CACNA2D1: variants seen among roughly 807,000 people sequenced by gnomAD.
The protein encoded by CACNA2D1 is calcium voltage-gated channel auxiliary subunit alpha2delta 1.
Under a neutral mutation model 171.5 loss-of-function variants are expected in CACNA2D1, and 53 were observed. The ratio of observed to expected loss-of-function variants is 0.31; its 90% CI spans 0.25 to 0.39. The LOEUF (loss-of-function observed/expected upper bound fraction) is 0.39, where lower values mean the gene tolerates loss of function less well. CACNA2D1 is among the 10% of genes least tolerant of loss of function. CACNA2D1 has a pLI of 1.00. For synonymous variants in CACNA2D1, 442 were observed against 443.1 expected (o/e 1.00, Z 0.03); for missense variants, 903 against 1,299.8 (o/e 0.69, Z 4.69).
At chr7:82,437,136 G>A (rs1830169634) in intron 1 of CACNA2D1, among the ~76,000 whole-genome samples, 2 of 152,098 alleles carry the variant, frequency 1.3e-5, no homozygotes, top group African/African-American at 4.8e-5. Context: ...ATTGAGGTCT[G>A]ATCATGGGTA....
At chr7:82,161,927 G>C (rs1794985653) in intron 4 of CACNA2D1, among the ~76,000 whole-genome samples, 2 of 151,874 alleles carry the variant, frequency 1.3e-5, no homozygotes, top group Non-Finnish European at 2.9e-5. Flanking sequence ...GTACTGTAAA[G>C]GAAAAGGTAC....
chr7:82,195,328 G>A (rs1392544258), intron 3 of CACNA2D1, among the ~76,000 whole-genome samples: 1 of 151,780 alleles, frequency 6.6e-6, no homozygotes, highest in African/African-American at 2.4e-5. Flanking sequence ...GGTGGGATAT[G>A]GTATTAGGGA....
At chr7:82,369,391 T>C (rs1482632043) in intron 1 of CACNA2D1, among the ~76,000 whole-genome samples, 1 of 151,730 alleles carries the variant, frequency 6.6e-6, no homozygotes, top group Non-Finnish European at 1.5e-5. Context: ...CTACTGCAGT[T>C]TCCAGCTAAC....
intron 3 of CACNA2D1, among the ~76,000 whole-genome samples, chr7:82,275,573 T>C (rs775835037): frequency 1.2e-4 from 18 of 152,054 alleles, no homozygotes; most frequent in Admixed American, 2.6e-4. Context: ...ATGCTTTTAG[T>C]ATACTCTCCA....
chr7:82,004,484 T>C (rs1049014002), intron 18 of CACNA2D1, among the ~76,000 whole-genome samples: 7 of 151,676 alleles, frequency 4.6e-5, no homozygotes, highest in African/African-American at 1.7e-4. Flanking sequence ...TTACATTTAA[T>C]GTATTTTTGC....
chr7:82,133,898 C>G (rs942323388), intron 5 of CACNA2D1, among the ~76,000 whole-genome samples: 1 of 151,972 alleles, frequency 6.6e-6, no homozygotes, highest in Non-Finnish European at 1.5e-5. Context: ...CGGTGAAACC[C>G]CTTCTCTACT....
intron 3 of CACNA2D1, among the ~76,000 whole-genome samples, chr7:82,244,985 T>A (rs928424577): frequency 1.3e-5 from 2 of 152,130 alleles, no homozygotes; most frequent in South Asian, 4.1e-4. Flanking sequence ...CTGCAGACAA[T>A]TGCAATGTGC....
At chr7:82,014,377 A>G (rs1800170118) in intron 13 of CACNA2D1, 24 bp downstream of exon 13, 1 of 1,282,210 alleles carries the variant, frequency 7.8e-7, no homozygotes, top group Non-Finnish European at 1.1e-6. Context: ...CTTCTAATTT[A>G]TTAGAAGAAA....
chr7:82,198,564 C>A (rs1799079782), intron 3 of CACNA2D1, among the ~76,000 whole-genome samples: 1 of 151,658 alleles, frequency 6.6e-6, no homozygotes, highest in Non-Finnish European at 1.5e-5. Context: ...AGTTTTTACG[C>A]AGCACTTTTA....
chr7:82,297,650 G>T (rs1229396037), intron 3 of CACNA2D1, among the ~76,000 whole-genome samples: 1 of 152,224 alleles, frequency 6.6e-6, no homozygotes, highest in African/African-American at 2.4e-5. Flanking sequence ...TTATTCCTGA[G>T]ATCACCTTTA....
intron 38 of CACNA2D1, among the ~76,000 whole-genome samples, chr7:81,953,199 C>CT (rs890681514): frequency 2.0e-5 from 3 of 152,128 alleles, no homozygotes; most frequent in African/African-American, 7.2e-5. Context: ...TTTGCAAAAG[C>CT]TGTCTCACTT....
chr7:82,293,609 C>T lies in CACNA2D1; in HGVS notation c.294+41526G>A, dbSNP rs556420036. Among the ~76,000 whole-genome samples the T allele has an allele frequency of 2.6e-5, 4 of 152,256 alleles. No homozygotes were observed. The South Asian group carries it at 8.3e-4, about 32-fold the overall frequency. ...GGAGGAGCCTGGGTATCTCACACCT[C>T]AAAGAAGAGGCTTTATTTAATTCTA... On this transcript the variant is annotated intron_variant, in intron 3 of 38. Coordinates refer to ENST00000356860, the MANE Select transcript of CACNA2D1 (RefSeq NM_000722.4).
chr7:82,302,473 C>T (rs952366100), intron 3 of CACNA2D1, among the ~76,000 whole-genome samples: 2 of 148,772 alleles, frequency 1.3e-5, no homozygotes, highest in Non-Finnish European at 3.0e-5. Flanking sequence ...TGCAATGGTG[C>T]AATCTCGGTT....
At chr7:82,255,066 G>A (rs549792512) in intron 3 of CACNA2D1, among the ~76,000 whole-genome samples, 30 of 152,174 alleles carry the variant, frequency 2.0e-4, no homozygotes, top group African/African-American at 6.5e-4. Context: ...CTAGCTATTC[G>A]GCTTCATCTT....
intron 6 of CACNA2D1, among the ~76,000 whole-genome samples, chr7:82,091,398 T>C (rs1021959135): frequency 6.6e-6 from 1 of 152,200 alleles, no homozygotes; most frequent in Non-Finnish European, 1.5e-5. Context: ...GTCTAGCCCC[T>C]GTATTACTGA....
intron 1 of CACNA2D1, among the ~76,000 whole-genome samples, chr7:82,393,463 T>C (rs921522183): frequency 3.3e-5 from 5 of 152,200 alleles, no homozygotes; most frequent in South Asian, 4.1e-4. Flanking sequence ...TAATAAGATA[T>C]ATATTGAAAT....
At chr7:82,332,462 A>T (rs1257039474) in intron 3 of CACNA2D1, among the ~76,000 whole-genome samples, 1 of 151,924 alleles carries the variant, frequency 6.6e-6, no homozygotes, top group African/African-American at 2.4e-5. Context: ...ATATTTGAAG[A>T]AGCATAATAT....
intron 3 of CACNA2D1, among the ~76,000 whole-genome samples, chr7:82,332,828 CA>C (rs1425193181): frequency 6.6e-6 from 1 of 152,078 alleles, no homozygotes; most frequent in Non-Finnish European, 1.5e-5. Context: ...AGGGAGACCT[CA>C]TCTCTACAAA....
chr7:82,261,875 G>C (rs1807149693), intron 3 of CACNA2D1, among the ~76,000 whole-genome samples: 1 of 152,170 alleles, frequency 6.6e-6, no homozygotes, highest in Non-Finnish European at 1.5e-5. Flanking sequence ...TGACAAGCCT[G>C]TCCTTTCTCC....
Sources: gnomAD v4.1 joint callset for allele counts (sites outside exome capture counted in the v4.1 genomes callset) on GRCh38, gnomAD v4.1.1 for gene constraint, MANE v1.5 for transcripts, NCBI Gene and HGNC (gene_info 2026-07-23, HGNC 2026-07-21) for gene names.